Variants in EIF2D observed in about 807,000 individuals in gnomAD.
The protein encoded by EIF2D is eukaryotic translation initiation factor 2D.
In EIF2D, 56 loss-of-function variants were observed where a neutral mutation model predicts 77.4. That is an observed-to-expected ratio of 0.72 (90% CI 0.58 to 0.90). The LOEUF is 0.90. Ranked by LOEUF, EIF2D falls within the 40% of genes least tolerant of loss-of-function variation. EIF2D has a pLI of 0.00. For synonymous variants in EIF2D, 230 were observed against 271.0 expected, an observed-to-expected ratio of 0.85 and a Z score of 1.49; for missense variants, 574 against 706.5, an observed-to-expected ratio of 0.81 and a Z score of 2.13.
chr1:206,605,262 G>T (rs1229014553), intron 5 of EIF2D, 138 bp downstream of exon 5: 2 of 533,722 alleles, frequency 3.7e-6, no homozygotes, highest in South Asian at 3.1e-5. Context: ...CTTTATATTT[G>T]TAAGGAAATA....
At chr1:206,573,478 G>A (rs1450157094) in intron 4 of EIF2D, among the ~76,000 whole-genome samples, 5 of 152,304 alleles carry the variant, frequency 3.3e-5, no homozygotes, top group South Asian at 2.1e-4. Context: ...AGACAGGCAC[G>A]GGTGCTTCTC....
chr1:206,578,662 T>C (rs1668750088), intron 4 of EIF2D, among the ~76,000 whole-genome samples: 1 of 152,124 alleles, frequency 6.6e-6, no homozygotes, highest in Non-Finnish European at 1.5e-5. Flanking sequence ...TAGGCACGGA[T>C]GTATATAATA....
At chr1:206,600,212 G>A (rs782088784) in intron 8 of EIF2D, 51 bp downstream of exon 8, 1 of 1,569,390 alleles carries the variant, frequency 6.4e-7, no homozygotes, top group Non-Finnish European at 8.7e-7. Context: ...TATGTCATAT[G>A]TGCCCCTACA....
intron 4 of EIF2D, among the ~76,000 whole-genome samples, chr1:206,606,374 C>T (rs1385954364): frequency 6.6e-6 from 1 of 152,106 alleles, no homozygotes; most frequent in Non-Finnish European, 1.5e-5. Context: ...TCTCATCTAC[C>T]CCTGAAAGGT....
At chr1:206,574,972 G>A (rs553520718) in intron 4 of EIF2D, among the ~76,000 whole-genome samples, 64 of 148,550 alleles carry the variant, frequency 4.3e-4, no homozygotes, top group African/African-American at 1.4e-3. Flanking sequence ...CGATTCTTCC[G>A]CCTTAGCCTC....
At chr1:206,569,184 G>A (rs1259231613), downstream of EIF2D, among the ~76,000 whole-genome samples, 3 of 152,232 alleles carry the variant, frequency 2.0e-5, no homozygotes, top group East Asian at 3.8e-4. Context: ...TTTATTTAAC[G>A]TGTATTCGCG....
In EIF2D at chr1:206,579,067, C is replaced by T. The variant is rs1668767747; in HGVS notation, c.*254+1625G>A. On this transcript the variant is annotated intron_variant and NMD_transcript_variant, in intron 4 of 5. Coordinates refer to the EIF2D transcript ENST00000472709. The surrounding 1 kb of genome is among the most constrained non-coding windows in gnomAD (Gnocchi z 4.2). ...GCTGTGAACCCCTAGCACCCAGCCTCTTTACATGGCTGTTCCCCAATCACC... is the reference window on the plus strand; with the variant it reads ...GCTGTGAACCCCTAGCACCCAGCCTTTTTACATGGCTGTTCCCCAATCACC... Among the ~76,000 whole-genome samples, 1 of 152,204 alleles carries T rather than the reference C, an allele frequency of 6.6e-6. No individual in the cohort carries two copies. Among genetic ancestry groups the T allele is most frequent in the African/African-American group, 2.4e-5 (1 of 41,450 alleles).
intron 12 of EIF2D, among the ~76,000 whole-genome samples, chr1:206,596,114 A>C (rs1553409990): frequency 6.6e-6 from 1 of 152,248 alleles, no homozygotes; most frequent in Non-Finnish European, 1.5e-5. Context: ...AGGCCCCTGG[A>C]AACGGTCCAC....
At chr1:206,602,532 T>G in intron 6 of EIF2D, 79 bp from the exon 7 acceptor site, 2 of 1,271,180 alleles carry the variant, frequency 1.6e-6, no homozygotes, top group Admixed American at 3.4e-5. Context: ...CCCAGCTTCA[T>G]CCCTACCTCA....
chr1:206,599,390 A>G lies in EIF2D; in HGVS notation c.1202+73T>C. The G allele has an allele frequency of 6.4e-7, 1 of 1,568,882 alleles. No homozygotes were observed. The highest frequency in any genetic ancestry group is 8.7e-7 in the Non-Finnish European group (1 of 1,155,908). ...CAGGTTTTGCCAGTCGCAAAAGAGC[A>G]CTACTCAGGTTGAGAGGAACTGTAG... On this transcript the variant is annotated intron_variant, in intron 10 of 14. Coordinates refer to ENST00000271764, the MANE Select transcript of EIF2D (RefSeq NM_006893.3). The surrounding 1 kb of genome is among the most constrained non-coding windows in gnomAD (Gnocchi z 4.1).
At chr1:206,581,618 G>C (rs1326199138) in intron 2 of EIF2D, among the ~76,000 whole-genome samples, 1 of 140,884 alleles carries the variant, frequency 7.1e-6, no homozygotes, top group Non-Finnish European at 1.6e-5. Flanking sequence ...GAAAGAGAGA[G>C]AGACAGAGAG....
intron 1 of EIF2D, among the ~76,000 whole-genome samples, chr1:206,611,833 T>C (rs1455396913): frequency 6.6e-6 from 1 of 152,234 alleles, no homozygotes; most frequent in Non-Finnish European, 1.5e-5. Context: ...GATACAGTTC[T>C]TCTTACCACA....
chr1:206,608,356 C>T, intron 3 of EIF2D, 30 bp from the exon 4 acceptor site: 1 of 1,583,860 alleles, frequency 6.3e-7, no homozygotes, highest in African/African-American at 1.3e-5. Flanking sequence ...TCACAACCTG[C>T]ATTCAGCCTC....
At chr1:206,612,101 CA>C (rs1202374930) in intron 1 of EIF2D, among the ~76,000 whole-genome samples, 185 bp downstream of exon 1, 1 of 152,210 alleles carries the variant, frequency 6.6e-6, no homozygotes, top group Non-Finnish European at 1.5e-5. Flanking sequence ...AAAAGAGAGC[CA>C]GGTCCCCCTC....
chr1:206,586,726 G>A, downstream of EIF2D: 3 of 904,210 alleles, frequency 3.3e-6, no homozygotes, highest in Non-Finnish European at 5.2e-6. Flanking sequence ...TCACGGATGT[G>A]AACTGGGAAG....
chr1:206,609,842 T>C (rs1429259424), intron 2 of EIF2D, among the ~76,000 whole-genome samples: 2 of 152,180 alleles, frequency 1.3e-5, no homozygotes, highest in Non-Finnish European at 2.9e-5. Flanking sequence ...TCTGTTTCCA[T>C]AGTGATTAGC....
chr1:206,608,425 C>G (rs1487854277), intron 3 of EIF2D, 99 bp from the exon 4 acceptor site: 4 of 924,114 alleles, frequency 4.3e-6, no homozygotes, highest in Non-Finnish European at 6.4e-6. Context: ...AAAATAGTTA[C>G]TAGGTATCAA....
chr1:206,573,864 C>T (rs11119070), intron 4 of EIF2D, among the ~76,000 whole-genome samples: 5 of 152,194 alleles, frequency 3.3e-5, no homozygotes, highest in African/African-American at 4.8e-5. Context: ...AAATAGAAAT[C>T]GGAGTCTTAG....
rs1558529398 is a variant in EIF2D at position 206,592,341 on chromosome 1, G to A, written c.1685-496C>T. 6.6e-6 allele frequency among the ~76,000 whole-genome samples: 1 copy of A among 152,234 alleles called. No homozygotes were observed. Among genetic ancestry groups the A allele is most frequent in the African/African-American group, 2.4e-5 (1 of 41,464 alleles). On this transcript the variant is annotated intron_variant, in intron 14 of 14. Coordinates refer to ENST00000271764, the MANE Select transcript of EIF2D (RefSeq NM_006893.3). The surrounding 1 kb of genome is among the most constrained non-coding windows in gnomAD (Gnocchi z 4.7). ...TTAGCCAAGCTGCAGACATTAACCG[G>A]AAATATAAACACAATTGGAAAGTGC...
Sources: allele counts gnomAD v4.1 joint callset (sites outside exome capture counted in the v4.1 genomes callset), GRCh38; gene constraint gnomAD v4.1.1; non-coding constraint Gnocchi (gnomAD v3.1); transcripts MANE v1.5; gene names NCBI Gene and HGNC (gene_info 2026-07-23, HGNC 2026-07-21).